INSR: variants seen among roughly 807,000 people sequenced by gnomAD.
INSR encodes the protein IR.
A neutral mutation model predicts 142.6 loss-of-function variants in INSR; 67 were observed. That is an observed-to-expected ratio of 0.47 (90% CI 0.39 to 0.58). INSR has a LOEUF of 0.58. Among genes scored for constraint, INSR ranks in the 20% least tolerant of loss-of-function variants. The pLI is 0.00. For synonymous variants in INSR, 756 were observed against 743.1 expected (o/e 1.02, Z -0.28); for missense variants, 1,248 against 1,833.2 (o/e 0.68, Z 5.83).
At chr19:7,173,111 T>C (rs1233753770) in intron 4 of INSR, among the ~76,000 whole-genome samples, 2 of 152,172 alleles carry the variant, frequency 1.3e-5, no homozygotes, top group Non-Finnish European at 2.9e-5. Flanking sequence ...GAGCCCTTTA[T>C]AGGGAAAAGT....
rs1228392373 is a variant in INSR at position 7,152,157 on chromosome 19, G to A, written c.2231+569C>T. The A allele has an allele frequency of 7.0e-5, 13 of 186,568 alleles. No homozygotes were observed. In the Middle Eastern group the frequency reaches 8.1e-3, roughly 116 times the overall value. 11.6% of individuals were successfully genotyped at this position (186,568 alleles called of 1,614,324 possible). On this transcript the variant is annotated intron_variant, in intron 10 of 21. Coordinates refer to ENST00000302850, the MANE Select transcript of INSR (RefSeq NM_000208.4). ...TATAATCCCAGCACTCTGGGAGGCC[G>A]AGGCAGGCAGATCACCTGAGGTCAG...
intron 11 of INSR, among the ~76,000 whole-genome samples, chr19:7,147,797 G>A (rs975450976): frequency 2.0e-5 from 3 of 152,182 alleles, no homozygotes; most frequent in African/African-American, 7.2e-5. Flanking sequence ...TAACTACTGA[G>A]AAATTGGTAT....
At chr19:7,199,528 GC>G (rs1407909933) in intron 2 of INSR, among the ~76,000 whole-genome samples, 1 of 148,676 alleles carries the variant, frequency 6.7e-6, no homozygotes, top group African/African-American at 2.5e-5. Flanking sequence ...CTCCCAAGGA[GC>G]TAGGACTACA....
intron 11 of INSR, among the ~76,000 whole-genome samples, chr19:7,149,925 GAAAA>G (rs1401098687): frequency 5.2e-5 from 2 of 38,372 alleles, no homozygotes; most frequent in African/African-American, 1.4e-4. Context: ...AAGAAAGAAG[GAAAA>G]AAAGAAAGAA....
intron 9 of INSR, among the ~76,000 whole-genome samples, chr19:7,154,461 C>G (rs963660330): frequency 1.3e-5 from 2 of 149,680 alleles, no homozygotes; most frequent in African/African-American, 4.9e-5. Flanking sequence ...CGCTGCCACG[C>G]CCGGCTAATT....
At chr19:7,270,843 G>C (rs376549616) in intron 1 of INSR, among the ~76,000 whole-genome samples, 4 of 151,876 alleles carry the variant, frequency 2.6e-5, no homozygotes, top group Non-Finnish European at 5.9e-5. Flanking sequence ...GGCTGATCAC[G>C]AGGTCAGGAG....
At chr19:7,290,338 C>T (rs950706006) in intron 1 of INSR, among the ~76,000 whole-genome samples, 3 of 152,042 alleles carry the variant, frequency 2.0e-5, no homozygotes, top group Non-Finnish European at 4.4e-5. Context: ...TCCAGGAGGT[C>T]GAGGCTGCAG....
At chr19:7,138,124 C>T (rs570926249) in intron 13 of INSR, among the ~76,000 whole-genome samples, 45 of 151,372 alleles carry the variant, frequency 3.0e-4, no homozygotes, top group Non-Finnish European at 5.6e-4. Context: ...CCACCATGCC[C>T]GGCTAATTTT....
intron 13 of INSR, among the ~76,000 whole-genome samples, chr19:7,136,500 C>T (rs16994167): frequency 0.013 from 1,948 of 152,114 alleles, 42 homozygotes; most frequent in African/African-American, 0.044. Flanking sequence ...TAACTCGAAT[C>T]CTAACTTCTC....
chr19:7,209,343 C>T (rs2145068348), intron 2 of INSR, among the ~76,000 whole-genome samples: 1 of 152,302 alleles, frequency 6.6e-6, no homozygotes, highest in Admixed American at 6.5e-5. Flanking sequence ...AGGCAGCCTG[C>T]AGAAGCCAGA....
At chr19:7,289,899 A>C (rs2145255843) in intron 1 of INSR, among the ~76,000 whole-genome samples, 1 of 152,144 alleles carries the variant, frequency 6.6e-6, no homozygotes, top group East Asian at 1.9e-4. Flanking sequence ...AACACTCTAC[A>C]TACAGGACAG....
chr19:7,185,146 A>C (rs567188388), intron 2 of INSR, among the ~76,000 whole-genome samples: 1 of 152,178 alleles, frequency 6.6e-6, no homozygotes, highest in Admixed American at 6.6e-5. Flanking sequence ...GTGAGTTTTG[A>C]GTATTTGTTA....
At chr19:7,252,309 G>T (rs929109883) in intron 2 of INSR, among the ~76,000 whole-genome samples, 1 of 152,028 alleles carries the variant, frequency 6.6e-6, no homozygotes, top group Admixed American at 6.6e-5. Flanking sequence ...TTACTCAGGA[G>T]GCTGAGGCAG....
intron 14 of INSR, among the ~76,000 whole-genome samples, chr19:7,131,842 T>TA (rs1568434141): frequency 6.6e-6 from 1 of 151,092 alleles, no homozygotes; most frequent in Non-Finnish European, 1.5e-5. Flanking sequence ...CTACTAAAAA[T>TA]ACAAGAATTA....
intron 17 of INSR, among the ~76,000 whole-genome samples, chr19:7,124,440 G>A (rs1249246625): frequency 7.0e-6 from 1 of 143,848 alleles, no homozygotes; most frequent in African/African-American, 2.6e-5. Flanking sequence ...TCGGGAGGCT[G>A]AGGCAGGAGA....
At chr19:7,191,339 GAAA>G (rs1160117227) in intron 2 of INSR, among the ~76,000 whole-genome samples, 6 of 105,442 alleles carry the variant, frequency 5.7e-5, no homozygotes, top group African/African-American at 1.7e-4. Context: ...AAGAAAGAAA[GAAA>G]GAAAGGAGGG....
At chr19:7,157,517 C>T (rs1973628107) in intron 9 of INSR, among the ~76,000 whole-genome samples, 1 of 149,266 alleles carries the variant, frequency 6.7e-6, no homozygotes, top group Admixed American at 6.7e-5. Context: ...CCCGCCTTGG[C>T]CTCCCAAAGT....
chr19:7,172,172 A>G lies in INSR; in HGVS notation c.1268+118T>C. On this transcript the variant is annotated intron_variant, in intron 5 of 21. Transcript: ENST00000302850. ...AGTGATTCACCCACGTTGGCCTCCT[A>G]AAATGCTGGGATTACAGGCATCAGC... is the stretch of plus-strand genomic sequence containing the variant. The G allele has an allele frequency of 2.7e-6, 3 of 1,122,846 alleles. No individual in the cohort carries two copies. In the South Asian group the frequency reaches 3.8e-5, roughly 14 times the overall value. 69.6% of individuals were successfully genotyped at this position (1,122,846 alleles called of 1,614,324 possible).
intron 1 of INSR, among the ~76,000 whole-genome samples, chr19:7,275,552 G>A (rs1414408324): frequency 6.6e-6 from 1 of 152,022 alleles, no homozygotes; most frequent in Admixed American, 6.6e-5. Flanking sequence ...GGAGGCCAAG[G>A]CGGGTGGATG....
Sources: gnomAD v4.1 joint callset for allele counts (sites outside exome capture counted in the v4.1 genomes callset) on GRCh38, gnomAD v4.1.1 for gene constraint, MANE v1.5 for transcripts, NCBI Gene and HGNC (gene_info 2026-07-23, HGNC 2026-07-21) for gene names.